Variants in CSMD3 observed in about 807,000 individuals in gnomAD.
CSMD3 encodes CUB and Sushi multiple domains 3.
CSMD3 carries 177 observed loss-of-function variants against 435.2 expected under a neutral mutation model. The observed-to-expected ratio is 0.41, with a 90% CI of 0.36 to 0.46. The LOEUF is 0.46. CSMD3 is among the 20% of genes least tolerant of loss of function. The pLI is 0.34. For synonymous variants in CSMD3, 1,656 were observed against 1,520.5 expected, an observed-to-expected ratio of 1.09 and a Z score of -2.07; for missense variants, 4,265 against 4,504.6, an observed-to-expected ratio of 0.95 and a Z score of 1.52.
chr8:112,584,984 T>C (rs1013927679), intron 23 of CSMD3, among the ~76,000 whole-genome samples: 3 of 151,614 alleles, frequency 2.0e-5, no homozygotes, highest in African/African-American at 7.3e-5. Context: ...ATCTTTCTGC[T>C]TGTATATAAC....
chr8:112,277,800 C>A (rs934880963), intron 59 of CSMD3, among the ~76,000 whole-genome samples: 5 of 152,044 alleles, frequency 3.3e-5, no homozygotes, highest in African/African-American at 1.2e-4. Flanking sequence ...GAATGAGAAC[C>A]AAGTGAAAGG....
At chr8:112,390,826 A>G (rs2129728656) in intron 35 of CSMD3, 38 bp from the exon 36 acceptor site, 3 of 1,593,854 alleles carry the variant, frequency 1.9e-6, no homozygotes, top group Non-Finnish European at 2.6e-6. Flanking sequence ...AGTTAATTCT[A>G]ATGCAAAGGA....
At chr8:112,645,024 A>G (rs1445513605) in intron 20 of CSMD3, 85 bp downstream of exon 20, 1 of 814,384 alleles carries the variant, frequency 1.2e-6, no homozygotes, top group Non-Finnish European at 2.2e-6. Context: ...CTCATGCAAA[A>G]TAACATGTAA....
At chr8:112,228,256 C>T (rs1229235191) in intron 70 of CSMD3, among the ~76,000 whole-genome samples, 3 of 152,006 alleles carry the variant, frequency 2.0e-5, no homozygotes, top group Admixed American at 2.0e-4. Flanking sequence ...ATATTAATTG[C>T]AATTCATCAA....
At chr8:112,245,950 G>T (rs1814685692) in intron 64 of CSMD3, among the ~76,000 whole-genome samples, 1 of 152,100 alleles carries the variant, frequency 6.6e-6, no homozygotes. Flanking sequence ...CCTATGTTAT[G>T]GACACATTAG....
chr8:112,420,589 T>C (rs918541251), intron 32 of CSMD3, among the ~76,000 whole-genome samples: 1 of 152,110 alleles, frequency 6.6e-6, no homozygotes, highest in Non-Finnish European at 1.5e-5. Flanking sequence ...ATAACCCACA[T>C]CTTATTTTTA....
At chr8:112,491,672 T>A (rs947645543) in intron 31 of CSMD3, among the ~76,000 whole-genome samples, 2 of 152,068 alleles carry the variant, frequency 1.3e-5, no homozygotes, top group Non-Finnish European at 2.9e-5. Context: ...AAAAGTACTC[T>A]CTCTATGTTC....
chr8:112,751,510 G>A (rs1445921875), intron 13 of CSMD3, among the ~76,000 whole-genome samples: 2 of 151,930 alleles, frequency 1.3e-5, no homozygotes, highest in African/African-American at 2.4e-5. Flanking sequence ...CAAGGTTTAC[G>A]ATTGCTCACA....
intron 1 of CSMD3, among the ~76,000 whole-genome samples, chr8:113,337,157 C>A (rs560384657): frequency 6.6e-6 from 1 of 152,206 alleles, no homozygotes; most frequent in Non-Finnish European, 1.5e-5. Flanking sequence ...GACTGAGATA[C>A]TTGAAGTAAA....
chr8:112,466,530 A>G lies in CSMD3; in HGVS notation c.5395+6061T>C, dbSNP rs552401665. On this transcript the variant is annotated intron_variant, in intron 32 of 70. Coordinates refer to ENST00000297405, the MANE Select transcript of CSMD3 (RefSeq NM_198123.2). ...CATAAAAGATGAGAATAATTCATTA[A>G]TACATATCCAAGTCAAAACTACATT... 1.4e-3 allele frequency among the ~76,000 whole-genome samples: 220 copies of G among 152,342 alleles called. 1 individual carries two copies. Among genetic ancestry groups the G allele is most frequent in the African/African-American group, 4.8e-3 (199 of 41,586 alleles).
intron 13 of CSMD3, among the ~76,000 whole-genome samples, chr8:112,760,386 C>T (rs1438482129): frequency 6.6e-6 from 1 of 152,116 alleles, no homozygotes; most frequent in South Asian, 2.1e-4. Context: ...GTTGGGACAA[C>T]GTAAAATATT....
chr8:112,450,930 A>G (rs903320658), intron 32 of CSMD3, among the ~76,000 whole-genome samples: 1 of 152,210 alleles, frequency 6.6e-6, no homozygotes, highest in Non-Finnish European at 1.5e-5. Context: ...AACAAATCAG[A>G]GATGCCATCA....
chr8:113,061,519 T>G (rs940297732), intron 5 of CSMD3, among the ~76,000 whole-genome samples: 1 of 152,112 alleles, frequency 6.6e-6, no homozygotes, highest in Non-Finnish European at 1.5e-5. Context: ...AATGGCCTGA[T>G]GTTTTCATGT....
At chr8:113,087,679 C>A (rs1242703912) in intron 5 of CSMD3, among the ~76,000 whole-genome samples, 4 of 151,858 alleles carry the variant, frequency 2.6e-5, no homozygotes, top group Admixed American at 2.0e-4. Context: ...AACTGGATCC[C>A]TTCCTTACAC....
chr8:112,797,461 C>T (rs534615852), intron 13 of CSMD3, among the ~76,000 whole-genome samples: 2 of 151,874 alleles, frequency 1.3e-5, no homozygotes, highest in Non-Finnish European at 3.0e-5. Flanking sequence ...AAAACTATAT[C>T]ACAAAAAACA....
intron 22 of CSMD3, among the ~76,000 whole-genome samples, chr8:112,598,873 A>T (rs906808946): frequency 1.3e-5 from 2 of 152,210 alleles, no homozygotes; most frequent in Admixed American, 1.3e-4. Flanking sequence ...TCAATTCAAG[A>T]TGGATTAAAG....
intron 3 of CSMD3, among the ~76,000 whole-genome samples, chr8:113,184,415 C>T (rs1346999791): frequency 6.6e-6 from 1 of 151,986 alleles, no homozygotes; most frequent in East Asian, 1.9e-4. Context: ...CTGTCTTGGT[C>T]TTTTGGGTGG....
intron 10 of CSMD3, among the ~76,000 whole-genome samples, chr8:112,887,111 G>T (rs544084715): frequency 2.6e-5 from 4 of 151,076 alleles, no homozygotes; most frequent in Non-Finnish European, 5.9e-5. Context: ...CACTTCATAG[G>T]TTTGTTGAGA....
chr8:112,926,168 G>A (rs2082902873), intron 9 of CSMD3, among the ~76,000 whole-genome samples: 1 of 152,030 alleles, frequency 6.6e-6, no homozygotes, highest in Non-Finnish European at 1.5e-5. Flanking sequence ...TTAAACAAAT[G>A]CACTGTGCTT....
Sources: gnomAD v4.1 joint callset for allele counts (sites outside exome capture counted in the v4.1 genomes callset) on GRCh38, gnomAD v4.1.1 for gene constraint, MANE v1.5 for transcripts, NCBI Gene and HGNC (gene_info 2026-07-23, HGNC 2026-07-21) for gene names.